PRIM2: variants seen among roughly 807,000 people sequenced by gnomAD.
The protein encoded by PRIM2 is DNA primase subunit 2.
PRIM2 carries 39 observed loss-of-function variants against 67.3 expected under a neutral mutation model. That is an observed-to-expected ratio of 0.58 (90% CI 0.45 to 0.76). PRIM2 has a LOEUF of 0.76. Among genes scored for constraint, PRIM2 ranks in the 30% least tolerant of loss-of-function variants. The probability of loss-of-function intolerance (pLI) is 0.00; values close to 1 mark genes in which losing one functional copy is unlikely to be tolerated. For missense variants in PRIM2, 398 were observed against 598.7 expected (o/e 0.66, Z 3.50); for synonymous variants, 143 against 198.7 (o/e 0.72, Z 2.36).
At chr6:57,423,643 C>T (rs1187260633) in intron 7 of PRIM2, among the ~76,000 whole-genome samples, 6 of 152,000 alleles carry the variant, frequency 3.9e-5, no homozygotes, top group African/African-American at 1.4e-4. Flanking sequence ...TTGTTAAATC[C>T]CCTTGAGGAA....
intron 5 of PRIM2, among the ~76,000 whole-genome samples, chr6:57,346,758 T>G (rs1362314848): frequency 1.3e-5 from 2 of 152,106 alleles, no homozygotes; most frequent in African/African-American, 2.4e-5. Context: ...TTATCCTAGG[T>G]CTTTTGGATG....
intron 5 of PRIM2, among the ~76,000 whole-genome samples, chr6:57,356,172 G>T (rs1423538692): frequency 6.6e-6 from 1 of 152,146 alleles, no homozygotes; most frequent in African/African-American, 2.4e-5. Flanking sequence ...ATAGGCTCTG[G>T]TGCTGTAACA....
At chr6:57,272,364 C>G in the PRIM2 span, among the ~76,000 whole-genome samples, 1 of 152,068 alleles carries the variant, frequency 6.6e-6, no homozygotes, top group African/African-American at 2.4e-5. Flanking sequence ...TGAATTGATC[C>G]CTTTACCATT....
At chr6:57,607,133 A>G (rs1776578226) in intron 12 of PRIM2, among the ~76,000 whole-genome samples, 1 of 152,340 alleles carries the variant, frequency 6.6e-6, no homozygotes, top group South Asian at 2.1e-4. Context: ...CTTAGCTTAA[A>G]AAGAACATTA....
chr6:57,570,119 C>A (rs1200600673), intron 10 of PRIM2, among the ~76,000 whole-genome samples: 6 of 152,206 alleles, frequency 3.9e-5, no homozygotes, highest in Non-Finnish European at 8.8e-5. Flanking sequence ...CATCAGAAAC[C>A]ATATTTTTAG....
intron 7 of PRIM2, among the ~76,000 whole-genome samples, chr6:57,421,981 G>C (rs1016802149): frequency 1.3e-5 from 2 of 152,012 alleles, no homozygotes; most frequent in Non-Finnish European, 2.9e-5. Context: ...TAATTTATAA[G>C]TTTATTATCT....
intron 5 of PRIM2, among the ~76,000 whole-genome samples, chr6:57,355,563 A>G (rs1377272647): frequency 6.6e-6 from 1 of 152,152 alleles, no homozygotes; most frequent in African/African-American, 2.4e-5. Context: ...TAGAGTGAAG[A>G]CAGAAAACTA....
intron 7 of PRIM2, among the ~76,000 whole-genome samples, chr6:57,469,310 CA>C (rs1187554948): frequency 6.6e-6 from 1 of 152,156 alleles, no homozygotes; most frequent in African/African-American, 2.4e-5. Flanking sequence ...AAATGTCATG[CA>C]AGGTGAACTT....
At chr6:57,301,526 G>T in the PRIM2 span, among the ~76,000 whole-genome samples, 1 of 152,092 alleles carries the variant, frequency 6.6e-6, no homozygotes, top group Non-Finnish European at 1.5e-5. Flanking sequence ...GAGAGTCTGG[G>T]TGCAGTGGCT....
chr6:57,640,311 C>G (rs1395806083), intron 13 of PRIM2, among the ~76,000 whole-genome samples: 1 of 152,166 alleles, frequency 6.6e-6, no homozygotes. Flanking sequence ...GAAGCATTCC[C>G]TTTGAAAACT....
chr6:57,311,628 A>C (rs1450053923), upstream of PRIM2, among the ~76,000 whole-genome samples: 1 of 151,786 alleles, frequency 6.6e-6, no homozygotes, highest in Non-Finnish European at 1.5e-5. Context: ...AGACGGGGTG[A>C]CCGGCGGGCA....
At chr6:57,587,418 A>G (rs1776210751) in intron 10 of PRIM2, among the ~76,000 whole-genome samples, 1 of 152,174 alleles carries the variant, frequency 6.6e-6, no homozygotes, top group Non-Finnish European at 1.5e-5. Context: ...TAATTTCAGC[A>G]CTTTGGGAGG....
chr6:57,432,070 T>C (rs1300793326), intron 7 of PRIM2, among the ~76,000 whole-genome samples: 3 of 152,214 alleles, frequency 2.0e-5, no homozygotes, highest in African/African-American at 7.2e-5. Flanking sequence ...TAATATGTTA[T>C]CACCAATTTA....
intron 5 of PRIM2, among the ~76,000 whole-genome samples, chr6:57,344,130 A>T (rs1382412150): frequency 5.9e-5 from 9 of 151,828 alleles, no homozygotes; most frequent in Middle Eastern, 3.2e-3. Context: ...AGTGTCAAAC[A>T]TAACTTCTGA....
intron 7 of PRIM2, among the ~76,000 whole-genome samples, chr6:57,474,765 T>A (rs1482278919): frequency 2.0e-5 from 3 of 152,274 alleles, no homozygotes; most frequent in African/African-American, 7.2e-5. Context: ...CCCTATTTAA[T>A]AGGTGAGAAG....
intron 12 of PRIM2, among the ~76,000 whole-genome samples, chr6:57,607,387 C>G (rs1776583938): frequency 1.3e-5 from 2 of 151,828 alleles, no homozygotes; most frequent in South Asian, 2.1e-4. Flanking sequence ...AAAACATAAA[C>G]CAAGTGTCAT....
chr6:57,329,027 T>C (rs1266557943), intron 5 of PRIM2, among the ~76,000 whole-genome samples: 1 of 152,230 alleles, frequency 6.6e-6, no homozygotes, highest in Non-Finnish European at 1.5e-5. Flanking sequence ...GAGTGTTCTT[T>C]ACATATTCTG....
intron 7 of PRIM2, among the ~76,000 whole-genome samples, chr6:57,504,106 A>G (rs1774202264): frequency 6.6e-6 from 1 of 152,202 alleles, no homozygotes; most frequent in African/African-American, 2.4e-5. Flanking sequence ...GGCCTGAGGA[A>G]CCTGCTTTCC....
chr6:57,601,315 A>G (rs1471248025), intron 11 of PRIM2, 96 bp downstream of exon 11: 2 of 1,346,816 alleles, frequency 1.5e-6, no homozygotes, highest in Non-Finnish European at 2.0e-6. Flanking sequence ...CATTCCTGTC[A>G]GGACCTAGTT....
Sources: allele counts gnomAD v4.1 joint callset (sites outside exome capture counted in the v4.1 genomes callset), GRCh38; gene constraint gnomAD v4.1.1; transcripts MANE v1.5; gene names NCBI Gene and HGNC (gene_info 2026-07-23, HGNC 2026-07-21).